The following KCNIP4 variants were observed in gnomAD, a reference collection of about 807,000 sequenced individuals.
The protein encoded by KCNIP4 is Kv channel-interacting protein 4.
KCNIP4 carries 12 observed loss-of-function variants against 34.0 expected under a neutral mutation model. The observed-to-expected ratio is 0.35, with a 90% CI of 0.23 to 0.57. The LOEUF is 0.57. Among genes scored for constraint, KCNIP4 ranks in the 20% least tolerant of loss-of-function variants. The pLI is 0.83. For missense variants in KCNIP4, 238 were observed against 311.7 expected (o/e 0.76, Z 1.78); for synonymous variants, 124 against 102.2 (o/e 1.21, Z -1.29).
intron 1 of KCNIP4, among the ~76,000 whole-genome samples, chr4:21,484,944 T>C (rs746188512): frequency 6.6e-6 from 1 of 152,234 alleles, no homozygotes; most frequent in Non-Finnish European, 1.5e-5. Flanking sequence ...CACATAGTGT[T>C]GAATAATTTT....
intron 1 of KCNIP4, among the ~76,000 whole-genome samples, chr4:21,503,395 A>C (rs552444351): frequency 6.6e-6 from 1 of 152,332 alleles, no homozygotes; most frequent in East Asian, 1.9e-4. Context: ...GTACATATGC[A>C]AACAAAACTG....
intron 1 of KCNIP4, among the ~76,000 whole-genome samples, chr4:21,067,789 G>A (rs1451060766): frequency 6.6e-6 from 1 of 151,974 alleles, no homozygotes; most frequent in Non-Finnish European, 1.5e-5. Flanking sequence ...TTGTTTGGAG[G>A]GAATGTGGTT....
At chr4:21,314,375 C>T (rs777486799) in intron 1 of KCNIP4, among the ~76,000 whole-genome samples, 1 of 152,130 alleles carries the variant, frequency 6.6e-6, no homozygotes, top group Non-Finnish European at 1.5e-5. Context: ...TAGCAATATC[C>T]TATCATAGTA....
chr4:21,419,748 C>A (rs1358209145), intron 1 of KCNIP4, among the ~76,000 whole-genome samples: 1 of 151,856 alleles, frequency 6.6e-6, no homozygotes, highest in African/African-American at 2.4e-5. Flanking sequence ...TTGCTCCCTG[C>A]CAAGTCATTG....
intron 1 of KCNIP4, among the ~76,000 whole-genome samples, chr4:21,509,319 T>C (rs185859294): frequency 2.0e-5 from 3 of 152,300 alleles, no homozygotes; most frequent in African/African-American, 4.8e-5. Flanking sequence ...TTTACAGGTA[T>C]GAAAATTGAA....
intron 1 of KCNIP4, among the ~76,000 whole-genome samples, chr4:21,110,750 C>T (rs28492736): frequency 0.29 from 44,235 of 152,002 alleles, 7,093 homozygotes; most frequent in African/African-American, 0.44. Flanking sequence ...CTCTCTCTCT[C>T]CTTCCACCAT....
rs570820324 is a variant in KCNIP4 at position 21,665,348 on chromosome 4, C to T, written c.61+283223G>A. On this transcript the variant is annotated intron_variant, in intron 1 of 8. Coordinates refer to ENST00000382152, the MANE Select transcript of KCNIP4 (RefSeq NM_025221.6). ...ATTTAGAGGTCGTGGGCAGAGAAGC[C>T]TTAGAAGACAGAAATTTAATTCAAA... Among the ~76,000 whole-genome samples, 4 of 152,100 alleles carry T rather than the reference C, an allele frequency of 2.6e-5. No homozygotes were observed. The East Asian group carries it at 5.8e-4, about 22-fold the overall frequency.
At chr4:21,546,597 C>T (rs545353676) in intron 1 of KCNIP4, among the ~76,000 whole-genome samples, 7 of 152,164 alleles carry the variant, frequency 4.6e-5, no homozygotes, top group African/African-American at 1.4e-4. Context: ...AAGGTATTTG[C>T]ATTTCCTAAT....
chr4:20,909,474 A>G (rs1251222462), intron 1 of KCNIP4, among the ~76,000 whole-genome samples: 1 of 152,146 alleles, frequency 6.6e-6, no homozygotes, highest in Non-Finnish European at 1.5e-5. Context: ...TGCATTGCTT[A>G]TGTAAGGCCA....
chr4:20,999,782 A>T (rs1414050682), intron 1 of KCNIP4, among the ~76,000 whole-genome samples: 3 of 152,170 alleles, frequency 2.0e-5, no homozygotes, highest in Non-Finnish European at 4.4e-5. Context: ...TCAAGTTTTC[A>T]GAAAAAAAAA....
At chr4:20,782,943 AC>A (rs1419395715) in intron 3 of KCNIP4, among the ~76,000 whole-genome samples, 2 of 152,118 alleles carry the variant, frequency 1.3e-5, no homozygotes, top group Non-Finnish European at 2.9e-5. Flanking sequence ...CACCCAAGTC[AC>A]CTCTTGAATG....
At chr4:21,632,071 A>C (rs1745801284) in intron 1 of KCNIP4, among the ~76,000 whole-genome samples, 1 of 152,016 alleles carries the variant, frequency 6.6e-6, no homozygotes. Flanking sequence ...GTACAATTTT[A>C]CCTTTTTTTC....
Position 21,383,508 on chromosome 4 carries a change from A to T in KCNIP4, c.62-500799T>A, listed in dbSNP as rs956523172. Among the ~76,000 whole-genome samples the T allele has an allele frequency of 5.9e-5, 9 of 152,030 alleles. No homozygotes were observed. In the East Asian group the frequency reaches 1.7e-3, roughly 30 times the overall value. ...GTAGGAGTAGCAAGACAAAAAAAAA[A>T]AAAAAAAAGAGGGTGGAAGAGTTTT... On this transcript the variant is annotated intron_variant, in intron 1 of 8. Coordinates refer to ENST00000382152, the MANE Select transcript of KCNIP4 (RefSeq NM_025221.6).
intron 2 of KCNIP4, among the ~76,000 whole-genome samples, chr4:20,875,087 G>A (rs1366086005): frequency 6.6e-6 from 1 of 151,764 alleles, no homozygotes; most frequent in Non-Finnish European, 1.5e-5. Context: ...GATGGTGAAA[G>A]GCCCAGAGAG....
chr4:21,856,983 C>T (rs574345009), intron 1 of KCNIP4, among the ~76,000 whole-genome samples: 1 of 152,272 alleles, frequency 6.6e-6, no homozygotes, highest in African/African-American at 2.4e-5. Flanking sequence ...GGCCTGCTGG[C>T]ACCACTCAGC....
chr4:20,908,213 C>CAT (rs1727979415), intron 1 of KCNIP4, among the ~76,000 whole-genome samples: 1 of 151,834 alleles, frequency 6.6e-6, no homozygotes, highest in South Asian at 2.1e-4. Flanking sequence ...GATTCTCCTG[C>CAT]CTCAGCCTCC....
At chr4:20,926,772 A>G (rs909230295) in intron 1 of KCNIP4, among the ~76,000 whole-genome samples, 2 of 152,184 alleles carry the variant, frequency 1.3e-5, no homozygotes, top group Non-Finnish European at 2.9e-5. Context: ...ACATTACTGA[A>G]TTTAGAAAAG....
intron 1 of KCNIP4, among the ~76,000 whole-genome samples, chr4:21,325,774 A>G (rs1040288286): frequency 9.9e-5 from 15 of 151,912 alleles, no homozygotes; most frequent in Non-Finnish European, 1.3e-4. Flanking sequence ...GCTATATCTC[A>G]TAGGTTTTTA....
chr4:21,325,209 T>C (rs1281922497), intron 1 of KCNIP4, among the ~76,000 whole-genome samples: 1 of 151,850 alleles, frequency 6.6e-6, no homozygotes, highest in Non-Finnish European at 1.5e-5. Flanking sequence ...TTTGATAGAG[T>C]TCAGCAGCGA....
Sources: gnomAD v4.1 joint callset for allele counts (sites outside exome capture counted in the v4.1 genomes callset) on GRCh38, gnomAD v4.1.1 for gene constraint, MANE v1.5 for transcripts, NCBI Gene and HGNC (gene_info 2026-07-23, HGNC 2026-07-21) for gene names.